TTN: variants seen among roughly 807,000 people sequenced by gnomAD.
TTN encodes the protein titin.
TTN carries 1,525 observed loss-of-function variants against 3,223.0 expected under a neutral mutation model. That is an observed-to-expected ratio of 0.47 (90% CI 0.45 to 0.49). The LOEUF (loss-of-function observed/expected upper bound fraction) is 0.49, where lower values mean the gene tolerates loss of function less well. Among genes scored for constraint, TTN ranks in the 20% least tolerant of loss-of-function variants. TTN has a pLI of 0.00. For synonymous variants in TTN, 14,094 were observed against 15,161.0 expected (o/e 0.93, Z 5.17); for missense variants, 40,786 against 43,424.0 (o/e 0.94, Z 5.40).
Position 178,714,373 on chromosome 2 carries a change from G to T in TTN, c.26401C>A (p.Pro8801Thr). Residue 8801 changes from proline (P) to threonine (T), a missense_variant, in exon 91 of 363, where the codon CCA (proline) becomes ACA (threonine). Transcript: ENST00000589042. Reference protein sequence around the residue: ...IATLQFSRVEPANAGKYTCQI... With the variant: ...IATLQFSRVETANAGKYTCQI... ...CAAGTGTATTTTCCAGCATTGGCTG[G>T]TTCCACTCTTGAAAACTGTAAGGTT... 2 of 1,613,746 alleles carry T rather than the reference G, an allele frequency of 1.2e-6. No homozygotes were observed. Among genetic ancestry groups the T allele is most frequent in the South Asian group, 2.2e-5 (2 of 91,068 alleles).
rs777381153 is a variant in TTN at position 178,545,397 on chromosome 2, C to G, written c.95713G>C (p.Glu31905Gln). ...GATTCTTGGAGCTCACATGATGGTTCTCTGCATGAGATGAAGTTGGAAGCT... is the reference window on the plus strand; with the variant it reads ...GATTCTTGGAGCTCACATGATGGTTGTCTGCATGAGATGAAGTTGGAAGCT... The part of the protein sequence containing the change: ...SEASNFISCR[E>Q]PSYTPGPPSA... Residue 31905 changes from glutamate (E) to glutamine (Q), a missense_variant, in exon 344 of 363, where the codon GAA becomes CAA. By Grantham distance (29) the Glu-to-Gln change is conservative. Transcript: ENST00000589042. The G allele has an allele frequency of 1.9e-6, 3 of 1,568,588 alleles. No individual in the cohort carries two copies. The South Asian group carries it at 3.6e-5, about 19-fold the overall frequency.
At chr2:178,805,840 T>G (rs554878326) in intron 1 of TTN, among the ~76,000 whole-genome samples, 3 of 152,328 alleles carry the variant, frequency 2.0e-5, no homozygotes, top group African/African-American at 7.2e-5. Context: ...AAGTAAAATA[T>G]TCAACATCAA....
Position 178,720,991 on chromosome 2 carries a change from G to A in TTN, c.23028C>T (p.Ser7676=), listed in dbSNP as rs199907920. The A allele has an allele frequency of 3.8e-5, 61 of 1,611,376 alleles. No homozygotes were observed. Among genetic ancestry groups the A allele is most frequent in the Non-Finnish European group, 4.7e-5 (55 of 1,177,942 alleles). ...LTINEASAED[S]GDYICEAHNG... ...TATGAGCCTCACAAATGTAGTCCCCGCTGTCTTCAGCACTAGCTTCATTGA... is the reference window on the plus strand; with the variant it reads ...TATGAGCCTCACAAATGTAGTCCCCACTGTCTTCAGCACTAGCTTCATTGA... The change falls in exon 79 of 363, where the codon AGC becomes AGT. Residue 7676 remains serine (S), a synonymous_variant. Transcript: ENST00000589042.
chr2:178,778,052 C>T, intron 24 of TTN, 77 bp from the exon 25 acceptor site: 1 of 1,537,588 alleles, frequency 6.5e-7, no homozygotes, highest in Non-Finnish European at 8.8e-7. Flanking sequence ...TTGTCTTATT[C>T]ATTATTCATG....
At position 178,734,883 on chromosome 2, in the gene TTN, G is replaced by A; in HGVS notation, c.15041C>T (p.Thr5014Ile). The A allele has an allele frequency of 6.2e-7, 1 of 1,613,522 alleles. No individual in the cohort carries two copies. Among genetic ancestry groups the A allele is most frequent in the South Asian group, 1.1e-5 (1 of 91,064 alleles). The change falls in exon 51 of 363, where the codon ACT (threonine) becomes ATT (isoleucine). Residue 5014 changes from threonine to isoleucine, a missense_variant. By Grantham distance (89) the Thr-to-Ile change is moderately conservative. Coordinates refer to ENST00000589042, the MANE Select transcript of TTN (RefSeq NM_001267550.2). ...GAGTTCTTTGTTATTTTTAAACCAA[G>A]TAACCTGGATCACAGGTGAGCCTTT... ...KLKGSPVIQV[T>I]WFKNNKELSE...
In TTN at chr2:178,549,779, C is replaced by T; in HGVS notation, c.91943G>A (p.Gly30648Asp). The change falls in exon 338 of 363, where the codon GGT becomes GAT. Residue 30648 changes from glycine (G) to aspartate (D), a missense_variant. Physicochemically the swap from Gly to Asp is moderately conservative, Grantham distance 94. Coordinates refer to ENST00000589042, the MANE Select transcript of TTN (RefSeq NM_001267550.2). ...TLWWDAPLND[G>D]CAPITHYIIE... ...GATGTAGTGGGTTATGGGAGCACAA[C>T]CGTCATTGAGTGGGGCATCCCACCA... The T allele has an allele frequency of 6.2e-7, 1 of 1,612,558 alleles. No individual in the cohort carries two copies. Among genetic ancestry groups the T allele is most frequent in the East Asian group, 2.2e-5 (1 of 44,844 alleles).
In TTN at chr2:178,649,538, A is replaced by T; in HGVS notation, c.39973+16T>A. On this transcript the variant is annotated intron_variant, in intron 212 of 362. Coordinates refer to ENST00000589042, the MANE Select transcript of TTN (RefSeq NM_001267550.2). Reference sequence around the variant, plus strand: ...GAATACTTTCTTTTTTATGATGCCAACGATGAAGTGAATACCTTTAGCTGC... The same window carrying T: ...GAATACTTTCTTTTTTATGATGCCATCGATGAAGTGAATACCTTTAGCTGC... 1.3e-6 allele frequency: 2 copies of T among 1,547,436 alleles called. No individual in the cohort carries two copies. The highest frequency in any genetic ancestry group is 1.7e-6 in the Non-Finnish European group (2 of 1,145,038).
In TTN at chr2:178,685,267, G is replaced by A. The variant is rs1343555637; in HGVS notation, c.32456C>T (p.Pro10819Leu). 2.6e-6 allele frequency: 4 copies of A among 1,549,768 alleles called. No individual in the cohort carries two copies. In the Admixed American group the frequency reaches 5.9e-5, roughly 23 times the overall value. ...AGAAATCATACCTTTAGCCGGTGGA[G>A]GCTCCTCTATTTTAGCAGGAATTTT... is the stretch of plus-strand genomic sequence containing the variant. ...KPKIPAKIEE[P>L]PPAKVPEAPK... is the part of the protein sequence containing the mutation. The change falls in exon 129 of 363, where the codon CCT (proline) becomes CTT (leucine). Residue 10819 changes from proline (P) to leucine (L), a missense_variant. By Grantham distance (98) the Pro-to-Leu change is moderately conservative. Transcript: ENST00000589042.
intron 111 of TTN, among the ~76,000 whole-genome samples, chr2:178,700,196 T>C (rs2074709637): frequency 6.6e-6 from 1 of 152,226 alleles, no homozygotes; most frequent in African/African-American, 2.4e-5. Context: ...CTCTCTGTTC[T>C]CACAGCTAGA....
At chr2:178,642,188 A>G in intron 219 of TTN, 49 bp downstream of exon 219, 4 of 1,458,174 alleles carry the variant, frequency 2.7e-6, no homozygotes, top group Non-Finnish European at 3.7e-6. Context: ...TTTCAAGTTC[A>G]TTTTTAAAAT....
rs778745953 is a variant in TTN, at chr2:178,590,262, A to G, written c.61463T>C (p.Val20488Ala). 2 of 1,578,738 alleles carry G rather than the reference A, an allele frequency of 1.3e-6. No individual in the cohort carries two copies. Among genetic ancestry groups the G allele is most frequent in the East Asian group, 4.5e-5 (2 of 44,516 alleles). The stretch of plus-strand genomic sequence containing the variant: ...AATGCGGATAGTTTGGCCTACTCTC[A>G]CGGTAATAACATCACGACAAGTAAC... ...LDVTCRDVIT[V>A]RVGQTIRILA... Residue 20488 changes from valine (V) to alanine (A), a missense_variant, in exon 304 of 363, where the codon GTG becomes GCG. By Grantham distance (64) the Val-to-Ala change is moderately conservative. Transcript: ENST00000589042.
At position 178,579,664 on chromosome 2, in the gene TTN, T is replaced by C; in HGVS notation, c.67533A>G (p.Lys22511=). 1 of 1,613,334 alleles carries C rather than the reference T, an allele frequency of 6.2e-7. No homozygotes were observed. Among genetic ancestry groups the C allele is most frequent in the Non-Finnish European group, 8.5e-7 (1 of 1,179,502 alleles). Residue 22511 remains lysine (K), a synonymous_variant, in exon 319 of 363, where the codon AAA becomes AAG. Coordinates refer to ENST00000589042, the MANE Select transcript of TTN (RefSeq NM_001267550.2). ...MKSLSLQYSA[K]DLTEGKEYTF... is the part of the protein sequence containing the mutation. Reference sequence around the variant, plus strand: ...TATATTCCTTCCCTTCAGTCAAATCTTTTGCAGAGTACTGTAGGCTTAAGG... The same window carrying C: ...TATATTCCTTCCCTTCAGTCAAATCCTTTGCAGAGTACTGTAGGCTTAAGG...
chr2:178,551,858 G>T lies in TTN; in HGVS notation c.91042C>A (p.Pro30348Thr). 3 of 1,613,804 alleles carry T rather than the reference G, an allele frequency of 1.9e-6. No homozygotes were observed. The highest frequency in any genetic ancestry group is 2.5e-6 in the Non-Finnish European group (3 of 1,179,792). The change falls in exon 335 of 363, where the codon CCA becomes ACA. Residue 30348 changes from proline (P) to threonine (T), a missense_variant. Pro to Thr is a conservative substitution (Grantham distance 38). Transcript: ENST00000589042. ...SDGMSLTWDAPVYDGGSEVTG... is the reference protein window; with the variant it reads ...SDGMSLTWDATVYDGGSEVTG... ...ACTTCTGAACCACCATCATAAACTG[G>T]AGCATCCCAAGTTAGTGACATGCCA...
At position 178,621,872 on chromosome 2, in the gene TTN, G is replaced by A; in HGVS notation, c.45050C>T (p.Thr15017Ile). The change falls in exon 244 of 363, where the codon ACA (threonine) becomes ATA (isoleucine). Residue 15017 changes from threonine (T) to isoleucine (I), a missense_variant. Coordinates refer to ENST00000589042, the MANE Select transcript of TTN (RefSeq NM_001267550.2). Reference sequence around the variant, plus strand: ...TGTCAGCATGCCAGAAGTTCTCGCTGTCCTTACTTCACAGGAATATTCAGC... The same window carrying A: ...TGTCAGCATGCCAGAAGTTCTCGCTATCCTTACTTCACAGGAATATTCAGC... ...DEAEYSCEVR[T>I]ARTSGMLTVL... is the part of the protein sequence containing the mutation. 6.2e-7 allele frequency: 1 copy of A among 1,612,196 alleles called. No homozygotes were observed. The highest frequency in any genetic ancestry group is 8.5e-7 in the Non-Finnish European group (1 of 1,178,984).
At chr2:178,701,087 T>C in intron 111 of TTN, 33 bp downstream of exon 111, 1 of 1,601,030 alleles carries the variant, frequency 6.2e-7, no homozygotes. Context: ...GTGAAATTCT[T>C]ATTTCGACAT....
chr2:178,797,393 C>T (rs1453346998), intron 6 of TTN, among the ~76,000 whole-genome samples: 1 of 151,764 alleles, frequency 6.6e-6, no homozygotes, highest in South Asian at 2.1e-4. Context: ...GTTTATTGGA[C>T]TTTTACATTG....
chr2:178,601,140 A>C lies in TTN; in HGVS notation c.55764T>G (p.Ile18588Met). ...YPPDPPIKLKIGLITKNTVHL... is the reference protein window; with the variant it reads ...YPPDPPIKLKMGLITKNTVHL... ...GCACTGTGTTCTTTGTGATGAGGCC[A>C]ATCTTGAGTTTAATAGGAGGATCAG... Residue 18588 changes from isoleucine to methionine, a missense_variant, in exon 288 of 363, where the codon ATT (isoleucine) becomes ATG (methionine). Physicochemically the swap from Ile to Met is conservative, Grantham distance 10 (BLOSUM62 1). Transcript: ENST00000589042. 6.4e-7 allele frequency: 1 copy of C among 1,551,138 alleles called. No homozygotes were observed. Among genetic ancestry groups the C allele is most frequent in the Non-Finnish European group, 8.7e-7 (1 of 1,152,554 alleles).
At chr2:178,769,652 TATA>T in intron 37 of TTN, 24 bp downstream of exon 37, 1 of 922,988 alleles carries the variant, frequency 1.1e-6, no homozygotes, top group Non-Finnish European at 1.4e-6. Context: ...TATATGTGTA[TATA>T]TATATATATA....
At position 178,547,238 on chromosome 2, in the gene TTN, C is replaced by G; in HGVS notation, c.94287G>C (p.Trp31429Cys). ...TGCCACCATCGTGGTAGGGTTCTTC[C>G]CAACGAATAGACATGGCATTGGCAG... ...HVSANAMSIR[W>C]EEPYHDGGSK... Residue 31429 changes from tryptophan to cysteine, a missense_variant, in exon 340 of 363, where the codon TGG (tryptophan) becomes TGC (cysteine). Transcript: ENST00000589042. 6.2e-7 allele frequency: 1 copy of G among 1,613,770 alleles called. No individual in the cohort carries two copies. Among genetic ancestry groups the G allele is most frequent in the Non-Finnish European group, 8.5e-7 (1 of 1,179,740 alleles).
Sources: gnomAD v4.1 joint callset for allele counts (sites outside exome capture counted in the v4.1 genomes callset) on GRCh38, gnomAD v4.1.1 for gene constraint, MANE v1.5 for transcripts, NCBI Gene and HGNC (gene_info 2026-07-23, HGNC 2026-07-21) for gene names.